The following SERINC5 variants were observed in gnomAD, a reference collection of about 807,000 sequenced individuals.
The protein encoded by SERINC5 is serine incorporator 5.
SERINC5 carries 41 observed loss-of-function variants against 63.1 expected under a neutral mutation model. The observed-to-expected ratio is 0.65, with a 90% CI of 0.51 to 0.84. The LOEUF (loss-of-function observed/expected upper bound fraction) is 0.84, where lower values mean the gene tolerates loss of function less well. Among genes scored for constraint, SERINC5 ranks in the 40% least tolerant of loss-of-function variants. SERINC5 has a pLI of 0.00. For missense variants in SERINC5, 523 were observed against 573.0 expected, an observed-to-expected ratio of 0.91 and a Z score of 0.89; for synonymous variants, 222 against 215.2, an observed-to-expected ratio of 1.03 and a Z score of -0.28.
chr5:80,144,137 T>C (rs1280924025), intron 11 of SERINC5, among the ~76,000 whole-genome samples: 1 of 152,230 alleles, frequency 6.6e-6, no homozygotes, highest in Non-Finnish European at 1.5e-5. Context: ...CTTTTTTGCC[T>C]GGCATACAAT....
In SERINC5 at chr5:80,174,989, C is replaced by G. The variant is rs1181752822; in HGVS notation, c.516G>C (p.Leu172=). 6.2e-7 allele frequency: 1 copy of G among 1,603,178 alleles called. No homozygotes were observed. Among genetic ancestry groups the G allele is most frequent in the South Asian group, 1.1e-5 (1 of 88,770 alleles). Residue 172 remains leucine, a synonymous_variant, in exon 5 of 12, where the codon CTG becomes CTC. Transcript: ENST00000507668. ...GFLFIGIQLL[L]LVEFAHKWNK... ...TCCACTTATGTGCAAACTCCACGAG[C>G]AGGAGGAGCTGGATGCCAATGAAGA...
chr5:80,229,645 AAAC>A (rs1290177494), intron 1 of SERINC5, among the ~76,000 whole-genome samples: 1 of 151,662 alleles, frequency 6.6e-6, no homozygotes, highest in African/African-American at 2.4e-5. Flanking sequence ...GAAAAGGAAA[AAAC>A]AAAACACAGA....
intron 6 of SERINC5, among the ~76,000 whole-genome samples, chr5:80,168,308 C>A (rs1313553106): frequency 2.6e-5 from 4 of 151,964 alleles, no homozygotes; most frequent in African/African-American, 9.7e-5. Flanking sequence ...AATTCTCCTG[C>A]CTCTCAGCCT....
At chr5:80,192,603 G>A (rs1467006997) in intron 2 of SERINC5, among the ~76,000 whole-genome samples, 1 of 152,110 alleles carries the variant, frequency 6.6e-6, no homozygotes, top group African/African-American at 2.4e-5. Context: ...CCTCACATCT[G>A]TCACACAAAC....
intron 1 of SERINC5, among the ~76,000 whole-genome samples, chr5:80,243,564 C>T (rs957525469): frequency 3.9e-5 from 6 of 151,920 alleles, no homozygotes; most frequent in African/African-American, 1.4e-4. Flanking sequence ...AAACAGATGC[C>T]TTTTAAGGTA....
At chr5:80,232,174 G>A (rs1159442310) in intron 1 of SERINC5, among the ~76,000 whole-genome samples, 2 of 151,672 alleles carry the variant, frequency 1.3e-5, no homozygotes, top group Non-Finnish European at 2.9e-5. Flanking sequence ...GGAGGCCAAG[G>A]CGGGCAGATC....
At chr5:80,224,527 C>A (rs1391857036) in intron 1 of SERINC5, among the ~76,000 whole-genome samples, 2 of 152,080 alleles carry the variant, frequency 1.3e-5, no homozygotes, top group Non-Finnish European at 2.9e-5. Flanking sequence ...TAGCCAACAT[C>A]CAGTCCTTCC....
chr5:80,212,061 T>TC (rs1298069260), intron 1 of SERINC5, among the ~76,000 whole-genome samples: 15 of 152,142 alleles, frequency 9.9e-5, no homozygotes, highest in Non-Finnish European at 1.5e-5. Context: ...CTAAACTAAG[T>TC]CCAAACCGTA....
intron 5 of SERINC5, among the ~76,000 whole-genome samples, chr5:80,173,225 AGAAGGAAGGAAGGAAGGAAGGAAG>A (rs58622143): frequency 8.2e-4 from 113 of 137,850 alleles, no homozygotes; most frequent in African/African-American, 2.1e-3. Context: ...CAGGAAGGAA[AGAAGGAAGGAAGGAAGGAAGGAAG>A]GAAGGAAGGA....
intron 7 of SERINC5, among the ~76,000 whole-genome samples, chr5:80,162,845 C>T (rs992247807): frequency 6.8e-6 from 1 of 146,808 alleles, no homozygotes; most frequent in Non-Finnish European, 1.5e-5. Context: ...ACACTACTGA[C>T]TTTTTTTTTT....
At chr5:80,134,157 G>A (rs1418256969), downstream of SERINC5, among the ~76,000 whole-genome samples, 1 of 152,140 alleles carries the variant, frequency 6.6e-6, no homozygotes, top group East Asian at 1.9e-4. Flanking sequence ...AAGGGTGTTT[G>A]TTCAGGGAAA....
At chr5:80,150,019 T>C (rs1429600684) in intron 9 of SERINC5, among the ~76,000 whole-genome samples, 3 of 152,160 alleles carry the variant, frequency 2.0e-5, no homozygotes, top group Non-Finnish European at 4.4e-5. Context: ...GCAACCAATG[T>C]ATGTATTGTC....
chr5:80,219,858 T>G (rs977694333), intron 1 of SERINC5, among the ~76,000 whole-genome samples: 1 of 114,012 alleles, frequency 8.8e-6, no homozygotes, highest in Non-Finnish European at 2.2e-5. Flanking sequence ...TACCTTTTTG[T>G]TTTTTTTCAT....
chr5:80,234,417 T>C (rs1751595574), intron 1 of SERINC5, among the ~76,000 whole-genome samples: 8 of 152,204 alleles, frequency 5.3e-5, no homozygotes. Flanking sequence ...CACATATTCA[T>C]ACCAGTTGTG....
chr5:80,112,251 C>T (rs1744143274), intron 12 of SERINC5, among the ~76,000 whole-genome samples: 1 of 152,226 alleles, frequency 6.6e-6, no homozygotes, highest in South Asian at 2.1e-4. Context: ...GCGAGATATG[C>T]TGGCGGCAAT....
At chr5:80,116,498 C>T (rs1347623529) in intron 11 of SERINC5, among the ~76,000 whole-genome samples, 1 of 152,022 alleles carries the variant, frequency 6.6e-6, no homozygotes, top group East Asian at 1.9e-4. Flanking sequence ...CCCCTCCTTC[C>T]CCACTCTCCA....
downstream of SERINC5, among the ~76,000 whole-genome samples, chr5:80,137,431 G>A: frequency 6.6e-6 from 1 of 151,304 alleles, no homozygotes; most frequent in East Asian, 2.0e-4. Context: ...ATGAGGTCAG[G>A]AGTTCGAGAC....
At chr5:80,230,208 T>C (rs113629989) in intron 1 of SERINC5, among the ~76,000 whole-genome samples, 24 of 152,176 alleles carry the variant, frequency 1.6e-4, no homozygotes, top group African/African-American at 5.3e-4. Context: ...CGGTGGTTCA[T>C]ACCTGCAATC....
chr5:80,131,949 C>T (rs1290178165), intron 11 of SERINC5, among the ~76,000 whole-genome samples: 2 of 152,078 alleles, frequency 1.3e-5, no homozygotes, highest in Non-Finnish European at 2.9e-5. Context: ...CCTTTCACCG[C>T]TTGAAATGCT....
Sources: gnomAD v4.1 joint callset for allele counts (sites outside exome capture counted in the v4.1 genomes callset) on GRCh38, gnomAD v4.1.1 for gene constraint, MANE v1.5 for transcripts, NCBI Gene and HGNC (gene_info 2026-07-23, HGNC 2026-07-21) for gene names.